The following CCDC85A variants were observed in gnomAD, a reference collection of about 807,000 sequenced individuals.
The protein encoded by CCDC85A is coiled-coil domain containing 85A, also known as coiled-coil domain-containing protein 85A.
CCDC85A carries 38 observed loss-of-function variants against 50.2 expected under a neutral mutation model. The observed-to-expected ratio is 0.76, with a 90% CI of 0.58 to 0.99. CCDC85A has a LOEUF of 0.99. Ranked by LOEUF, CCDC85A falls within the 50% of genes least tolerant of loss-of-function variation. The pLI is 0.00. For synonymous variants in CCDC85A, 366 were observed against 301.4 expected, an observed-to-expected ratio of 1.21 and a Z score of -2.22; for missense variants, 820 against 742.0, an observed-to-expected ratio of 1.11 and a Z score of -1.22.
At chr2:56,202,929 T>G (rs1476864824) in intron 2 of CCDC85A, among the ~76,000 whole-genome samples, 2 of 152,162 alleles carry the variant, frequency 1.3e-5, no homozygotes, top group Admixed American at 6.5e-5. Flanking sequence ...GGATTAGATG[T>G]GATTTAACAG....
At chr2:56,294,004 A>G (rs772040696) in intron 2 of CCDC85A, among the ~76,000 whole-genome samples, 36 of 152,156 alleles carry the variant, frequency 2.4e-4, no homozygotes, top group Admixed American at 8.5e-4. Flanking sequence ...ATACATATAC[A>G]CTTATGTTTA....
chr2:56,310,591 A>G (rs1455045893), intron 2 of CCDC85A, among the ~76,000 whole-genome samples: 1 of 152,180 alleles, frequency 6.6e-6, no homozygotes, highest in Non-Finnish European at 1.5e-5. Flanking sequence ...AATGACAACA[A>G]AAAATTTGAT....
chr2:56,344,642 A>C (rs1387511800), intron 3 of CCDC85A, among the ~76,000 whole-genome samples: 1 of 152,040 alleles, frequency 6.6e-6, no homozygotes, highest in Non-Finnish European at 1.5e-5. Context: ...TTTGCTCTTC[A>C]TTGTTTTCCT....
intron 2 of CCDC85A, among the ~76,000 whole-genome samples, chr2:56,280,134 C>T (rs1400723567): frequency 1.3e-5 from 2 of 152,174 alleles, no homozygotes; most frequent in Non-Finnish European, 2.9e-5. Context: ...TCTCTTAGAA[C>T]CTTTTCACTC....
chr2:56,188,183 C>T lies in CCDC85A; in HGVS notation c.276+3283C>T, dbSNP rs375594100. Among the ~76,000 whole-genome samples, 54 of 152,252 alleles carry T rather than the reference C, an allele frequency of 3.5e-4. 1 individual carries two copies. The South Asian group carries it at 0.011, about 32-fold the overall frequency. On this transcript the variant is annotated intron_variant, in intron 1 of 5. Transcript: ENST00000407595. ...ACACCTAGTGTTTTGCAAAAGAAAGCCCAAGTCTTAGTGAGGCAGATTTGA... is the reference window on the plus strand; with the variant it reads ...ACACCTAGTGTTTTGCAAAAGAAAGTCCAAGTCTTAGTGAGGCAGATTTGA...
rs556313434 is a variant in CCDC85A at position 56,333,348 on chromosome 2, C to T, written c.1241-9531C>T. Among the ~76,000 whole-genome samples the T allele has an allele frequency of 6.7e-4, 102 of 152,174 alleles. 2 individuals carry two copies. Among genetic ancestry groups the T allele is most frequent in the East Asian group, 2.5e-3 (13 of 5,154 alleles). On this transcript the variant is annotated intron_variant, in intron 2 of 5. Transcript: ENST00000407595. ...AGAGCATTCCAGGAAGAGGGTACAA[C>T]TAAGGCAAAGTTCATGAGGCAAGAA... is the stretch of plus-strand genomic sequence containing the variant.
At chr2:56,325,178 G>A (rs1037968774) in intron 2 of CCDC85A, among the ~76,000 whole-genome samples, 5 of 152,016 alleles carry the variant, frequency 3.3e-5, no homozygotes, top group Admixed American at 3.3e-4. Context: ...AGTGTAAGCA[G>A]AATAAAATTT....
intron 2 of CCDC85A, among the ~76,000 whole-genome samples, chr2:56,200,147 G>A (rs1359404357): frequency 1.3e-5 from 2 of 152,150 alleles, no homozygotes; most frequent in African/African-American, 2.4e-5. Context: ...AATTACAGGC[G>A]TGAGCCAACA....
intron 5 of CCDC85A, among the ~76,000 whole-genome samples, chr2:56,377,617 G>A (rs1046565291): frequency 2.6e-5 from 4 of 152,132 alleles, no homozygotes; most frequent in African/African-American, 7.2e-5. Context: ...TCTGAATTTA[G>A]TTCTAATTTT....
intron 2 of CCDC85A, among the ~76,000 whole-genome samples, chr2:56,270,134 G>T (rs1172771409): frequency 1.3e-5 from 2 of 152,182 alleles, no homozygotes; most frequent in Non-Finnish European, 1.5e-5. Context: ...AGTCTGGATT[G>T]TTGATTTGCT....
intron 2 of CCDC85A, among the ~76,000 whole-genome samples, chr2:56,196,848 A>G (rs1312676133): frequency 6.6e-6 from 1 of 151,796 alleles, no homozygotes; most frequent in Non-Finnish European, 1.5e-5. Flanking sequence ...AGACGAAGAA[A>G]TGGTACTCTT....
At chr2:56,314,239 G>A (rs1171809491) in intron 2 of CCDC85A, among the ~76,000 whole-genome samples, 2 of 151,254 alleles carry the variant, frequency 1.3e-5, no homozygotes, top group Non-Finnish European at 2.9e-5. Flanking sequence ...TTGAACCTGT[G>A]GTCAGAGCTG....
intron 2 of CCDC85A, among the ~76,000 whole-genome samples, chr2:56,331,758 G>A (rs1280010912): frequency 6.6e-6 from 1 of 152,202 alleles, no homozygotes; most frequent in African/African-American, 2.4e-5. Flanking sequence ...TTGCATGGCA[G>A]TAAAAGAACA....
chr2:56,325,249 A>G (rs1262607676), intron 2 of CCDC85A, among the ~76,000 whole-genome samples: 1 of 152,126 alleles, frequency 6.6e-6, no homozygotes, highest in South Asian at 2.1e-4. Flanking sequence ...ATGTATAATT[A>G]TAGGCTATAT....
rs535050957 is a variant in CCDC85A, at chr2:56,329,945, G to GTTT, written c.1241-12900_1241-12898dup. Among the ~76,000 whole-genome samples the GTTT allele has an allele frequency of 8.2e-4, 36 of 44,150 alleles. 3 individuals are homozygous for GTTT. Among genetic ancestry groups the GTTT allele is most frequent in the African/African-American group, 1.1e-3 (15 of 13,960 alleles). 29.0% of individuals were successfully genotyped at this position (44,150 alleles called of 152,430 possible). On this transcript the variant is annotated intron_variant, in intron 2 of 5. Transcript: ENST00000407595. ...AAAATTTGTTTTTTACAGATTTCCT[G>GTTT]TTTTTTTTTTTTTTTTTTTTTTTTT...
At chr2:56,249,348 G>C (rs1044905799) in intron 2 of CCDC85A, among the ~76,000 whole-genome samples, 1 of 152,234 alleles carries the variant, frequency 6.6e-6, no homozygotes, top group African/African-American at 2.4e-5. Context: ...CCCATCCCTT[G>C]CCAGGGACAC....
intron 2 of CCDC85A, among the ~76,000 whole-genome samples, chr2:56,339,729 T>C (rs1674261709): frequency 6.6e-6 from 1 of 152,134 alleles, no homozygotes; most frequent in South Asian, 2.1e-4. Context: ...TTCACTTGGA[T>C]GGCCTTATCA....
At chr2:56,209,176 C>G (rs1198969082) in intron 2 of CCDC85A, among the ~76,000 whole-genome samples, 2 of 152,080 alleles carry the variant, frequency 1.3e-5, no homozygotes, top group Non-Finnish European at 2.9e-5. Context: ...TCATAGCTCA[C>G]TAGTACAGAT....
At chr2:56,337,641 C>G (rs1009206147) in intron 2 of CCDC85A, among the ~76,000 whole-genome samples, 1 of 152,162 alleles carries the variant, frequency 6.6e-6, no homozygotes, top group East Asian at 1.9e-4. Flanking sequence ...TTCAGTTTCT[C>G]CTTCGTAAGA....
Sources: gnomAD v4.1 joint callset for allele counts (sites outside exome capture counted in the v4.1 genomes callset) on GRCh38, gnomAD v4.1.1 for gene constraint, MANE v1.5 for transcripts, NCBI Gene and HGNC (gene_info 2026-07-23, HGNC 2026-07-21) for gene names.